WDPCP: variants seen among roughly 807,000 people sequenced by gnomAD.
WDPCP encodes WD repeat containing planar cell polarity effector, also known as WD repeat-containing and planar cell polarity effector protein fritz homolog.
WDPCP carries 71 observed loss-of-function variants against 93.1 expected under a neutral mutation model. The observed-to-expected ratio is 0.76, with a 90% CI of 0.63 to 0.93. The LOEUF is 0.93. Among genes scored for constraint, WDPCP ranks in the 40% least tolerant of loss-of-function variants. The pLI is 0.00. For missense variants in WDPCP, 844 were observed against 887.4 expected, an observed-to-expected ratio of 0.95 and a Z score of 0.62; for synonymous variants, 315 against 315.0, an observed-to-expected ratio of 1.00 and a Z score of 0.00.
intron 1 of WDPCP, among the ~76,000 whole-genome samples, chr2:63,580,662 C>T (rs1234888015): frequency 6.6e-6 from 1 of 152,046 alleles, no homozygotes; most frequent in Admixed American, 6.6e-5. Flanking sequence ...TTCCAGATTA[C>T]AGGAGATTAA....
At chr2:63,829,576 C>T (rs1369089198), upstream of WDPCP, among the ~76,000 whole-genome samples, 2 of 151,976 alleles carry the variant, frequency 1.3e-5, no homozygotes, top group Non-Finnish European at 2.9e-5. Context: ...ATTCTATTTG[C>T]TACTTTATTC....
At chr2:63,446,780 C>A (rs971886018) in intron 6 of WDPCP, among the ~76,000 whole-genome samples, 6 of 152,174 alleles carry the variant, frequency 3.9e-5, no homozygotes, top group Non-Finnish European at 7.3e-5. Flanking sequence ...AATTGAGCTA[C>A]CTTAGCTTGA....
chr2:63,343,365 GTATCTGT>G (rs539287053), intron 12 of WDPCP, among the ~76,000 whole-genome samples: 35 of 152,036 alleles, frequency 2.3e-4, no homozygotes, highest in African/African-American at 7.5e-4. Flanking sequence ...AATGAGAAAA[GTATCTGT>G]TAACATACTG....
chr2:63,824,526 C>T (rs1289709502), intron 1 of WDPCP, among the ~76,000 whole-genome samples: 1 of 98,262 alleles, frequency 1.0e-5, no homozygotes, highest in African/African-American at 4.4e-5. Context: ...CCAGCCTGGG[C>T]GACCATGTTT....
chr2:63,210,391 C>A (rs1373912348), intron 14 of WDPCP, among the ~76,000 whole-genome samples: 1 of 152,028 alleles, frequency 6.6e-6, no homozygotes, highest in East Asian at 1.9e-4. Context: ...TTAATTTACA[C>A]AAATTAAAAT....
intron 10 of WDPCP, among the ~76,000 whole-genome samples, chr2:63,386,314 A>G (rs1692725807): frequency 6.6e-6 from 1 of 152,108 alleles, no homozygotes; most frequent in South Asian, 2.1e-4. Flanking sequence ...GTATCTTACA[A>G]AGGCCTTGTA....
At chr2:63,439,265 T>A (rs1170760120) in intron 7 of WDPCP, among the ~76,000 whole-genome samples, 1 of 152,152 alleles carries the variant, frequency 6.6e-6, no homozygotes, top group Non-Finnish European at 1.5e-5. Flanking sequence ...AGGACCTGAC[T>A]GTCCAGTATA....
intron 2 of WDPCP, among the ~76,000 whole-genome samples, chr2:63,778,895 A>G (rs1670345809): frequency 6.6e-6 from 1 of 152,152 alleles, no homozygotes; most frequent in Non-Finnish European, 1.5e-5. Context: ...TTGTTTTCCA[A>G]ATAAAAGATA....
chr2:63,580,391 T>C (rs149296216), intron 1 of WDPCP, among the ~76,000 whole-genome samples: 504 of 152,228 alleles, frequency 3.3e-3, no homozygotes, highest in Non-Finnish European at 4.7e-3. Context: ...GGGGAAGAAA[T>C]AGTAATTTTA....
intron 2 of WDPCP, among the ~76,000 whole-genome samples, chr2:63,697,738 C>G (rs945349233): frequency 6.6e-6 from 1 of 151,820 alleles, no homozygotes; most frequent in African/African-American, 2.4e-5. Flanking sequence ...CCCTAGACTT[C>G]CTGGGCTGAG....
chr2:63,257,393 G>C (rs958357654), intron 14 of WDPCP, among the ~76,000 whole-genome samples: 2 of 152,148 alleles, frequency 1.3e-5, no homozygotes, highest in South Asian at 4.1e-4. Context: ...GAACTAGGTA[G>C]AGACCATGAT....
intron 1 of WDPCP, among the ~76,000 whole-genome samples, chr2:63,576,066 C>T (rs1041337841): frequency 2.0e-5 from 3 of 152,142 alleles, no homozygotes; most frequent in African/African-American, 7.2e-5. Context: ...CCTCACACAC[C>T]ACTCAACACA....
At chr2:63,487,558 C>T in intron 2 of WDPCP, 64 bp from the exon 3 acceptor site, 1 of 1,231,582 alleles carries the variant, frequency 8.1e-7, no homozygotes, top group South Asian at 1.2e-5. Context: ...AGAAGCCAAG[C>T]CATACTATAT....
intron 1 of WDPCP, among the ~76,000 whole-genome samples, chr2:63,559,450 GGGTATTCAAAT>G (rs1706408889): frequency 6.6e-6 from 1 of 152,090 alleles, no homozygotes; most frequent in African/African-American, 2.4e-5. Context: ...AAGAAATAAA[GGGTATTCAAAT>G]AGGAAGAGAG....
chr2:63,565,070 C>G (rs533815266), intron 1 of WDPCP, among the ~76,000 whole-genome samples: 1 of 152,266 alleles, frequency 6.6e-6, no homozygotes, highest in South Asian at 2.1e-4. Flanking sequence ...GTCATGGCAC[C>G]TGGCCAAAAC....
In WDPCP at chr2:63,588,291, C is replaced by T. The variant is rs1413925926; in HGVS notation, c.-20G>A. On this transcript the variant is annotated 5_prime_UTR_variant, in exon 1 of 18. Transcript: ENST00000272321. The stretch of plus-strand genomic sequence containing the variant: ...CCTCATCACCAGACACTACCCCGGG[C>T]AGAAGGTTCCTAGGCTAGGTCCTCG... The T allele has an allele frequency of 6.4e-7, 1 of 1,566,254 alleles. No homozygotes were observed. The highest frequency in any genetic ancestry group is 2.4e-5 in the East Asian group (1 of 41,806).
chr2:63,741,269 C>T (rs544854548), intron 2 of WDPCP, among the ~76,000 whole-genome samples: 6 of 152,006 alleles, frequency 3.9e-5, no homozygotes, highest in African/African-American at 1.4e-4. Context: ...CCATTAAGCA[C>T]TAGCTAGGGA....
intron 1 of WDPCP, among the ~76,000 whole-genome samples, chr2:63,552,638 C>CA (rs1441802463): frequency 2.6e-5 from 4 of 151,794 alleles, no homozygotes; most frequent in African/African-American, 7.3e-5. Flanking sequence ...GTTGAGAAGA[C>CA]AAAGGACACA....
At chr2:63,701,857 G>A (rs1368874543) in intron 2 of WDPCP, among the ~76,000 whole-genome samples, 2 of 152,190 alleles carry the variant, frequency 1.3e-5, no homozygotes, top group Admixed American at 6.5e-5. Flanking sequence ...AAAGGGTGGG[G>A]TGAGGGGGAT....
Sources: allele counts gnomAD v4.1 joint callset (sites outside exome capture counted in the v4.1 genomes callset), GRCh38; gene constraint gnomAD v4.1.1; transcripts MANE v1.5; gene names NCBI Gene and HGNC (gene_info 2026-07-23, HGNC 2026-07-21).